PXDN: variants seen among roughly 807,000 people sequenced by gnomAD.
The protein encoded by PXDN is peroxidasin homolog.
A neutral mutation model predicts 140.3 loss-of-function variants in PXDN; 77 were observed. The observed-to-expected ratio is 0.55, with a 90% CI of 0.46 to 0.66. PXDN has a LOEUF of 0.66. Ranked by LOEUF, PXDN falls within the 30% of genes least tolerant of loss-of-function variation. PXDN has a pLI of 0.00. For missense variants in PXDN, 1,838 were observed against 2,039.5 expected (o/e 0.90, Z 1.90); for synonymous variants, 911 against 857.4 (o/e 1.06, Z -1.09).
chr2:1,707,658 CAAT>C (rs2125464925), intron 1 of PXDN, among the ~76,000 whole-genome samples: 1 of 152,250 alleles, frequency 6.6e-6, no homozygotes, highest in South Asian at 2.1e-4. Flanking sequence ...GTCAAAGACG[CAAT>C]AACTACACAG....
At chr2:1,680,850 G>C (rs1354617200) in intron 6 of PXDN, among the ~76,000 whole-genome samples, 2 of 152,158 alleles carry the variant, frequency 1.3e-5, no homozygotes, top group Admixed American at 6.5e-5. Context: ...CCCAGGCAGT[G>C]TGGGAAGGGG....
At chr2:1,682,667 C>T (rs1683934736) in intron 6 of PXDN, among the ~76,000 whole-genome samples, 1 of 152,180 alleles carries the variant, frequency 6.6e-6, no homozygotes. Flanking sequence ...AGGCCGGGTG[C>T]GGTGGCTCAC....
intron 22 of PXDN, among the ~76,000 whole-genome samples, chr2:1,635,005 C>G (rs1015164972): frequency 1.3e-5 from 2 of 152,216 alleles, no homozygotes; most frequent in African/African-American, 4.8e-5. Context: ...GGAGATGGGA[C>G]AGGGCCAGTG....
chr2:1,712,739 T>C (rs1300666024), intron 1 of PXDN, among the ~76,000 whole-genome samples: 1 of 152,184 alleles, frequency 6.6e-6, no homozygotes, highest in East Asian at 1.9e-4. Context: ...TTCTTTTTTT[T>C]TGGAGACGGA....
At chr2:1,669,537 T>C (rs1249592813) in intron 9 of PXDN, among the ~76,000 whole-genome samples, 4 of 152,224 alleles carry the variant, frequency 2.6e-5, no homozygotes, top group Non-Finnish European at 5.9e-5. Context: ...AAATGTCATA[T>C]GTCCAAATAA....
chr2:1,683,939 C>A (rs1381766437), intron 5 of PXDN, 141 bp downstream of exon 5: 2 of 973,346 alleles, frequency 2.1e-6, no homozygotes, highest in Non-Finnish European at 3.1e-6. Flanking sequence ...AGTCCTATTT[C>A]CAAATTGTTA....
At position 1,664,979 on chromosome 2, in the gene PXDN, C is replaced by T. The variant is rs1023904208; in HGVS notation, c.1387G>A (p.Val463Ile). The T allele has an allele frequency of 1.3e-5, 20 of 1,586,992 alleles. No homozygotes were observed. Among genetic ancestry groups the T allele is most frequent in the East Asian group, 4.7e-5 (2 of 42,296 alleles). The part of the protein sequence containing the change: ...QCEAKGNPPP[V>I]IAWTKGGSQL... ...TTACCTCCCTTGGTCCAGGCGATGA[C>T]GGGCGGCGGGTTGCCCTTGGCTTCA... The change falls in exon 11 of 23, where the codon GTC (valine) becomes ATC (isoleucine). Residue 463 changes from valine (V) to isoleucine (I), a missense_variant. Physicochemically the swap from Val to Ile is conservative, Grantham distance 29. This residue lies in a region of PXDN where 537 missense variants were observed against 583.9 expected (regional missense o/e 0.92). Transcript: ENST00000252804.
Position 1,680,380 on chromosome 2 carries a change from C to T in PXDN, c.561-18G>A. The T allele has an allele frequency of 6.2e-7, 1 of 1,613,676 alleles. No individual in the cohort carries two copies. Among genetic ancestry groups the T allele is most frequent in the Non-Finnish European group, 8.5e-7 (1 of 1,179,674 alleles). On this transcript the variant is annotated intron_variant, in intron 6 of 22. Transcript: ENST00000252804. ...CCAGTCGCCTGTGGGAAGGAAGATG[C>T]AGCCGGTGAGACATGGGGTGGCTGG...
At chr2:1,664,648 C>T (rs1683388327) in intron 11 of PXDN, 5 of 302,046 alleles carry the variant, frequency 1.7e-5, no homozygotes, top group African/African-American at 4.3e-5. Context: ...CTTAAAAGCA[C>T]ATCCTAGAGA....
chr2:1,740,085 C>T (rs1475975552), intron 1 of PXDN, among the ~76,000 whole-genome samples: 1 of 152,214 alleles, frequency 6.6e-6, no homozygotes, highest in African/African-American at 2.4e-5. Flanking sequence ...AGAGGCCTGG[C>T]GTCCCGGGAC....
chr2:1,687,680 T>C lies in PXDN; in HGVS notation c.368A>G (p.Gln123Arg). Residue 123 changes from glutamine to arginine, a missense_variant, in exon 4 of 23, where the codon CAG becomes CGG. Around this residue, in one of 5 missense-constraint regions of PXDN, gnomAD observed 231 missense variants for 201.5 expected, o/e 1.15. Coordinates refer to ENST00000252804, the MANE Select transcript of PXDN (RefSeq NM_012293.3). The surrounding 1 kb of genome is among the most constrained non-coding windows in gnomAD (Gnocchi z 4.0). ...KYLYLYKNEI[Q>R]SIDRQAFKGL... ...CTTAAATGCTTGCCTGTCAATTGAC[T>C]GGATCTCATTCTTGTACAGATAGCT... 6.5e-7 allele frequency: 1 copy of C among 1,531,110 alleles called. No homozygotes were observed. The highest frequency in any genetic ancestry group is 9.0e-7 in the Non-Finnish European group (1 of 1,108,240). 94.8% of individuals were successfully genotyped at this position (1,531,110 alleles called of 1,614,324 possible).
intron 1 of PXDN, among the ~76,000 whole-genome samples, chr2:1,737,917 T>C (rs1378183062): frequency 6.6e-6 from 1 of 152,170 alleles, no homozygotes; most frequent in Non-Finnish European, 1.5e-5. Flanking sequence ...AAAATATCTA[T>C]CAACCAGTTA....
intron 1 of PXDN, among the ~76,000 whole-genome samples, chr2:1,741,079 T>A (rs1019607943): frequency 2.6e-5 from 4 of 151,936 alleles, no homozygotes; most frequent in Non-Finnish European, 5.9e-5. Context: ...CCGTGGCGGC[T>A]CCAGGGAAGA....
chr2:1,657,963 GC>G (rs1282091243), intron 14 of PXDN, among the ~76,000 whole-genome samples: 1 of 131,132 alleles, frequency 7.6e-6, no homozygotes, highest in Non-Finnish European at 1.6e-5. Context: ...ACTGGGACTT[GC>G]CCCCTCACTG....
chr2:1,729,114 G>A (rs1436361077), intron 1 of PXDN, among the ~76,000 whole-genome samples: 2 of 152,176 alleles, frequency 1.3e-5, no homozygotes, highest in Non-Finnish European at 2.9e-5. Context: ...CACACGGTGC[G>A]AACTGTCAGA....
At chr2:1,743,737 C>G (rs1286449279) in intron 1 of PXDN, among the ~76,000 whole-genome samples, 17 of 55,940 alleles carry the variant, frequency 3.0e-4, no homozygotes, top group African/African-American at 1.0e-3. Flanking sequence ...GGAAGAGGAG[C>G]GGAGGAGGGG....
chr2:1,681,575 G>A (rs1683907962), intron 6 of PXDN, among the ~76,000 whole-genome samples: 1 of 152,090 alleles, frequency 6.6e-6, no homozygotes, highest in Non-Finnish European at 1.5e-5. Flanking sequence ...AGGGGAAGGG[G>A]AGGCTACACC....
At chr2:1,705,665 G>A (rs1355329873) in intron 1 of PXDN, among the ~76,000 whole-genome samples, 3 of 149,364 alleles carry the variant, frequency 2.0e-5, no homozygotes, top group East Asian at 2.0e-4. Flanking sequence ...TGGGACGCAG[G>A]GTGCAGAGTG....
At chr2:1,716,642 G>A (rs1684903225) in intron 1 of PXDN, among the ~76,000 whole-genome samples, 1 of 152,066 alleles carries the variant, frequency 6.6e-6, no homozygotes, top group Admixed American at 6.6e-5. Flanking sequence ...CCAGTGTGCA[G>A]CATCCTCCTC....
Sources: gnomAD v4.1 joint callset for allele counts (sites outside exome capture counted in the v4.1 genomes callset) on GRCh38, gnomAD v4.1.1 for gene constraint, gnomAD v4.1.1 regional missense constraint, Gnocchi (gnomAD v3.1) non-coding constraint, MANE v1.5 for transcripts, NCBI Gene and HGNC (gene_info 2026-07-23, HGNC 2026-07-21) for gene names.